The following TMEM163 variants were observed in gnomAD, a reference collection of about 807,000 sequenced individuals.
TMEM163 encodes the protein transmembrane protein 163.
In TMEM163, 17 loss-of-function variants were observed where a neutral mutation model predicts 29.3. That is an observed-to-expected ratio of 0.58 (90% CI 0.40 to 0.87). The LOEUF (loss-of-function observed/expected upper bound fraction) is 0.87, where lower values mean the gene tolerates loss of function less well. Ranked by LOEUF, TMEM163 falls within the 40% of genes least tolerant of loss-of-function variation. The probability of loss-of-function intolerance (pLI) is 0.00; values close to 1 mark genes in which losing one functional copy is unlikely to be tolerated. For synonymous variants in TMEM163, 157 were observed against 160.6 expected (o/e 0.98, Z 0.17); for missense variants, 303 against 381.5 (o/e 0.79, Z 1.71).
chr2:134,715,218 T>G (rs1395769499), intron 1 of TMEM163, among the ~76,000 whole-genome samples: 1 of 152,202 alleles, frequency 6.6e-6, no homozygotes, highest in Non-Finnish European at 1.5e-5. Context: ...CGCATAACAT[T>G]TATTTTTCCA....
chr2:134,573,402 C>T (rs1436411722), intron 2 of TMEM163, among the ~76,000 whole-genome samples: 1 of 152,146 alleles, frequency 6.6e-6, no homozygotes. Context: ...ACCGGGGGCA[C>T]TTTTAGCCGC....
At chr2:134,523,075 A>G (rs1680221563) in intron 4 of TMEM163, among the ~76,000 whole-genome samples, 1 of 152,248 alleles carries the variant, frequency 6.6e-6, no homozygotes, top group South Asian at 2.1e-4. Flanking sequence ...AGGTGGTTCA[A>G]CCAAATTAGA....
intron 2 of TMEM163, among the ~76,000 whole-genome samples, chr2:134,623,769 A>G (rs1183791754): frequency 6.6e-6 from 1 of 152,178 alleles, no homozygotes; most frequent in Non-Finnish European, 1.5e-5. Flanking sequence ...CTCCATCTTA[A>G]AAAGAAAAAA....
intron 1 of TMEM163, among the ~76,000 whole-genome samples, chr2:134,713,865 C>A (rs951739708): frequency 6.6e-6 from 1 of 152,192 alleles, no homozygotes; most frequent in African/African-American, 2.4e-5. Context: ...TTCTCTTTAA[C>A]CACATCCAGC....
intron 2 of TMEM163, among the ~76,000 whole-genome samples, chr2:134,617,225 A>G (rs910761582): frequency 6.6e-6 from 1 of 152,210 alleles, no homozygotes; most frequent in Non-Finnish European, 1.5e-5. Context: ...AGATTATGTT[A>G]GTATTAATGC....
chr2:134,640,296 T>C (rs1283302477), intron 2 of TMEM163, among the ~76,000 whole-genome samples: 1 of 151,752 alleles, frequency 6.6e-6, no homozygotes. Flanking sequence ...TACAGCCTTC[T>C]CCCCTCACGC....
At chr2:134,485,037 A>G (rs1040874065) in intron 5 of TMEM163, among the ~76,000 whole-genome samples, 2 of 152,262 alleles carry the variant, frequency 1.3e-5, no homozygotes, top group East Asian at 3.8e-4. Flanking sequence ...TGGCCGTATC[A>G]ATCAGTTCAA....
At chr2:134,642,509 T>C (rs1253838917) in intron 2 of TMEM163, among the ~76,000 whole-genome samples, 1 of 152,102 alleles carries the variant, frequency 6.6e-6, no homozygotes, top group Non-Finnish European at 1.5e-5. Context: ...TCAGCGAAGA[T>C]GTAGAAGAAT....
intron 2 of TMEM163, among the ~76,000 whole-genome samples, chr2:134,611,484 G>A (rs1682502625): frequency 6.6e-6 from 1 of 152,142 alleles, no homozygotes; most frequent in African/African-American, 2.4e-5. Flanking sequence ...TTAACTAGGG[G>A]ACAGGGATGT....
intron 2 of TMEM163, among the ~76,000 whole-genome samples, chr2:134,624,470 A>G (rs1052332964): frequency 2.0e-5 from 3 of 152,150 alleles, no homozygotes; most frequent in African/African-American, 7.2e-5. Context: ...GGGTGGGAGG[A>G]GGGAGAGGAT....
chr2:134,491,780 G>A (rs747956926), intron 5 of TMEM163, among the ~76,000 whole-genome samples: 1 of 152,132 alleles, frequency 6.6e-6, no homozygotes, highest in African/African-American at 2.4e-5. Flanking sequence ...AGGCTTAATA[G>A]ACAAAATAGA....
chr2:134,509,437 G>T (rs905277005), intron 4 of TMEM163, among the ~76,000 whole-genome samples: 1 of 152,166 alleles, frequency 6.6e-6, no homozygotes, highest in Admixed American at 6.5e-5. Context: ...TCAGGCCTTT[G>T]GTACCTGCAC....
chr2:134,526,544 G>A (rs1680303908), intron 4 of TMEM163, among the ~76,000 whole-genome samples: 1 of 152,142 alleles, frequency 6.6e-6, no homozygotes, highest in Non-Finnish European at 1.5e-5. Flanking sequence ...AGTTTATGAG[G>A]CTTCCACATC....
chr2:134,594,599 C>G (rs980095139), intron 2 of TMEM163, among the ~76,000 whole-genome samples: 1 of 152,182 alleles, frequency 6.6e-6, no homozygotes, highest in South Asian at 2.1e-4. Context: ...TCCCTGAGAG[C>G]CCAGGATGCG....
At chr2:134,511,602 G>T (rs768962592) in intron 4 of TMEM163, among the ~76,000 whole-genome samples, 2 of 152,244 alleles carry the variant, frequency 1.3e-5, no homozygotes, top group African/African-American at 2.4e-5. Flanking sequence ...AAGCGGCAGC[G>T]CAGGGAACAC....
intron 4 of TMEM163, among the ~76,000 whole-genome samples, chr2:134,513,246 A>G (rs1679988089): frequency 6.6e-6 from 1 of 152,214 alleles, no homozygotes; most frequent in Admixed American, 6.5e-5. Flanking sequence ...GGGGCAGAAA[A>G]GATCAGGAGT....
intron 2 of TMEM163, among the ~76,000 whole-genome samples, chr2:134,599,244 G>A (rs1277684428): frequency 1.3e-5 from 2 of 152,086 alleles, no homozygotes. Context: ...TGGAAGCCCA[G>A]GAAAGGGTTT....
intron 2 of TMEM163, among the ~76,000 whole-genome samples, chr2:134,602,546 T>G (rs1272675692): frequency 6.6e-6 from 1 of 152,196 alleles, no homozygotes; most frequent in African/African-American, 2.4e-5. Context: ...CTAGGGTTGC[T>G]GTCAAAGCAG....
intron 5 of TMEM163, among the ~76,000 whole-genome samples, chr2:134,487,946 C>CCTT (rs1679347608): frequency 6.6e-6 from 1 of 151,994 alleles, no homozygotes; most frequent in South Asian, 2.1e-4. Context: ...GGGCAATAGA[C>CCTT]CTTCTTAAAC....
Sources: gnomAD v4.1 joint callset for allele counts (sites outside exome capture counted in the v4.1 genomes callset) on GRCh38, gnomAD v4.1.1 for gene constraint, MANE v1.5 for transcripts, NCBI Gene and HGNC (gene_info 2026-07-23, HGNC 2026-07-21) for gene names.